The following BCAS3 variants were observed in gnomAD, a reference collection of about 807,000 sequenced individuals.
BCAS3 encodes BCAS4/BCAS3 fusion.
In BCAS3, 53 loss-of-function variants were observed where a neutral mutation model predicts 116.1. The observed-to-expected ratio is 0.46, with a 90% CI of 0.37 to 0.57. BCAS3 has a LOEUF of 0.57. BCAS3 is among the 20% of genes least tolerant of loss of function. BCAS3 has a pLI of 0.00. For missense variants in BCAS3, 917 were observed against 1,165.4 expected, an observed-to-expected ratio of 0.79 and a Z score of 3.10; for synonymous variants, 391 against 408.2, an observed-to-expected ratio of 0.96 and a Z score of 0.51.
In BCAS3 at chr17:61,219,799, C is replaced by G. The variant is rs2082006073; in HGVS notation, c.2425+135235C>G. Reference sequence around the variant, plus strand: ...CACTTCTTATTTGGGCTGAGCAGTACTAGGACTTGAATTCCAGAGATGAGA... The same window carrying G: ...CACTTCTTATTTGGGCTGAGCAGTAGTAGGACTTGAATTCCAGAGATGAGA... On this transcript the variant is annotated intron_variant, in intron 22 of 23. Transcript: ENST00000407086. The surrounding 1 kb of genome is among the most constrained non-coding windows in gnomAD (Gnocchi z 5.2). 6.6e-6 allele frequency among the ~76,000 whole-genome samples: 1 copy of G among 152,196 alleles called. No individual in the cohort carries two copies. The highest frequency in any genetic ancestry group is 1.9e-4 in the East Asian group (1 of 5,176).
chr17:61,351,998 G>A (rs2057878639), intron 22 of BCAS3, among the ~76,000 whole-genome samples: 1 of 152,160 alleles, frequency 6.6e-6, no homozygotes, highest in South Asian at 2.1e-4. Flanking sequence ...CTGTTTGTTA[G>A]GTATTTCTAC....
rs1438618768 is a variant in BCAS3 at position 61,251,224 on chromosome 17, G to T, written c.2426-117103G>T. On this transcript the variant is annotated intron_variant, in intron 22 of 23. Transcript: ENST00000407086. This position sits in a 1 kb window ranked among gnomAD's most constrained non-coding sequence, Gnocchi z 4.7. Reference sequence around the variant, plus strand: ...TTGTCAGGCTGATGATAAGCTGGTGGAGAGTCTGTTAACTCAAGGCCTGAT... The same window carrying T: ...TTGTCAGGCTGATGATAAGCTGGTGTAGAGTCTGTTAACTCAAGGCCTGAT... Among the ~76,000 whole-genome samples, 2 of 152,182 alleles carry T rather than the reference G, an allele frequency of 1.3e-5. No homozygotes were observed. The highest frequency in any genetic ancestry group is 4.8e-5 in the African/African-American group (2 of 41,440).
At chr17:61,154,514 C>T (rs190424410) in intron 22 of BCAS3, among the ~76,000 whole-genome samples, 1 of 151,896 alleles carries the variant, frequency 6.6e-6, no homozygotes, top group East Asian at 1.9e-4. Context: ...TGGCTCACTG[C>T]AGCCTAGACC....
rs2076504241 is a variant in BCAS3 at position 61,134,352 on chromosome 17, G to A, written c.2425+49788G>A. Among the ~76,000 whole-genome samples the A allele has an allele frequency of 2.0e-5, 3 of 152,130 alleles. No individual in the cohort carries two copies. The highest frequency in any genetic ancestry group is 7.2e-5 in the African/African-American group (3 of 41,430). ...TCATTTTTCATCGTTTTATAAATTA[G>A]GAAATTGAGGTCTTGTGAAAGTAAC... On this transcript the variant is annotated intron_variant, in intron 22 of 23. Transcript: ENST00000407086. This position sits in a 1 kb window ranked among gnomAD's most constrained non-coding sequence, Gnocchi z 4.6.
chr17:60,843,935 C>T (rs78989138), intron 7 of BCAS3, among the ~76,000 whole-genome samples: 4,619 of 152,228 alleles, frequency 0.03, 180 homozygotes, highest in East Asian at 0.092. Context: ...CCCTGTTTTG[C>T]GCTCATAGTG....
intron 11 of BCAS3, among the ~76,000 whole-genome samples, chr17:60,905,846 G>A (rs548454912): frequency 6.6e-6 from 1 of 152,226 alleles, no homozygotes; most frequent in Non-Finnish European, 1.5e-5. Flanking sequence ...GATTTACATA[G>A]GGTGTAGTGG....
At chr17:60,687,404 G>C (rs916863739) in intron 3 of BCAS3, among the ~76,000 whole-genome samples, 2 of 152,184 alleles carry the variant, frequency 1.3e-5, no homozygotes, top group Non-Finnish European at 2.9e-5. Flanking sequence ...AGGAGTACCA[G>C]ACCAGCCTGA....
chr17:61,273,646 T>A (rs1222263250), intron 22 of BCAS3, among the ~76,000 whole-genome samples: 1 of 151,936 alleles, frequency 6.6e-6, no homozygotes, highest in Non-Finnish European at 1.5e-5. Context: ...TTTTCAAAAA[T>A]TTTTAATGCC....
At chr17:60,747,851 A>C (rs2042135856) in intron 6 of BCAS3, among the ~76,000 whole-genome samples, 1 of 152,060 alleles carries the variant, frequency 6.6e-6, no homozygotes, top group African/African-American at 2.4e-5. Context: ...ATACTTCTTA[A>C]TGTTGTGTTT....
chr17:60,992,804 A>AT (rs1375191374), intron 15 of BCAS3, among the ~76,000 whole-genome samples: 1 of 152,164 alleles, frequency 6.6e-6, no homozygotes, highest in Admixed American at 6.5e-5. Context: ...ACTTAGTTAC[A>AT]TTTTTTGGTG....
intron 14 of BCAS3, among the ~76,000 whole-genome samples, chr17:60,985,440 C>T (rs562308874): frequency 1.3e-5 from 2 of 152,028 alleles, no homozygotes; most frequent in Non-Finnish European, 2.9e-5. Context: ...AGCTGTCACA[C>T]CTGGTCCCAA....
Position 61,180,994 on chromosome 17 carries a change from G to C in BCAS3, c.2425+96430G>C, listed in dbSNP as rs1000980996. 5.9e-5 allele frequency among the ~76,000 whole-genome samples: 9 copies of C among 152,062 alleles called. No individual in the cohort carries two copies. The highest frequency in any genetic ancestry group is 2.2e-4 in the African/African-American group (9 of 41,386). ...GCACTTTGGGAGGCTGGGGTGGGGG[G>C]ATCACTTGAGCCCAAGAGTTCGAGA... On this transcript the variant is annotated intron_variant, in intron 22 of 23. Coordinates refer to ENST00000407086, the MANE Select transcript of BCAS3 (RefSeq NM_017679.5). This position sits in a 1 kb window ranked among gnomAD's most constrained non-coding sequence, Gnocchi z 6.0.
intron 4 of BCAS3, among the ~76,000 whole-genome samples, chr17:60,690,333 G>A (rs1380295780): frequency 6.6e-6 from 1 of 152,158 alleles, no homozygotes; most frequent in African/African-American, 2.4e-5. Context: ...ACTTTGGGAG[G>A]TTGAGGCAGG....
At position 60,995,694 on chromosome 17, in the gene BCAS3, G is replaced by A. The variant is rs957298419; in HGVS notation, c.1486+5459G>A. 3.3e-5 allele frequency among the ~76,000 whole-genome samples: 5 copies of A among 152,168 alleles called. No individual in the cohort carries two copies. The highest frequency in any genetic ancestry group is 9.7e-5 in the African/African-American group (4 of 41,432). On this transcript the variant is annotated intron_variant, in intron 15 of 23. Transcript: ENST00000407086. This position sits in a 1 kb window ranked among gnomAD's most constrained non-coding sequence, Gnocchi z 4.7. ...AAATAATTACTTGTTAGAATGAAGA[G>A]CTTTTTATTCATAGTAACAACTTAA...
At chr17:60,884,794 C>T (rs2056490546) in intron 9 of BCAS3, among the ~76,000 whole-genome samples, 1 of 144,576 alleles carries the variant, frequency 6.9e-6, no homozygotes, top group African/African-American at 2.6e-5. Context: ...TTTGATTGCA[C>T]TGTGGTCTGA....
chr17:61,025,648 G>C (rs891779455), intron 16 of BCAS3, among the ~76,000 whole-genome samples: 2 of 152,050 alleles, frequency 1.3e-5, no homozygotes, highest in African/African-American at 4.8e-5. Context: ...TCGTACCGCT[G>C]GGTATGTTCT....
At position 61,116,841 on chromosome 17, in the gene BCAS3, T is replaced by C. The variant is rs373964154; in HGVS notation, c.2425+32277T>C. Among the ~76,000 whole-genome samples the C allele has an allele frequency of 5.9e-5, 9 of 152,228 alleles. No homozygotes were observed. In the East Asian group the frequency reaches 9.6e-4, roughly 16 times the overall value. ...TTCTTTGAGCCTCCGTGTTTTCTGA[T>C]GACAAATGTGATGTTAATTGAAGTT... On this transcript the variant is annotated intron_variant, in intron 22 of 23. Coordinates refer to ENST00000407086, the MANE Select transcript of BCAS3 (RefSeq NM_017679.5).
intron 6 of BCAS3, among the ~76,000 whole-genome samples, chr17:60,763,311 A>G (rs954325733): frequency 6.6e-6 from 1 of 152,218 alleles, no homozygotes; most frequent in Admixed American, 6.5e-5. Context: ...TTGCCCATTC[A>G]GTATGATACT....
chr17:61,331,004 C>T (rs1314393840), intron 22 of BCAS3, among the ~76,000 whole-genome samples: 1 of 152,190 alleles, frequency 6.6e-6, no homozygotes, highest in African/African-American at 2.4e-5. Context: ...AGCACAGTGC[C>T]AGGGGAGCTG....
Sources: gnomAD v4.1 joint callset for allele counts (sites outside exome capture counted in the v4.1 genomes callset) on GRCh38, gnomAD v4.1.1 for gene constraint, Gnocchi (gnomAD v3.1) non-coding constraint, MANE v1.5 for transcripts, NCBI Gene and HGNC (gene_info 2026-07-23, HGNC 2026-07-21) for gene names.